TLN2: variants seen among roughly 807,000 people sequenced by gnomAD.
TLN2 encodes talin-2.
TLN2 carries 118 observed loss-of-function variants against 294.7 expected under a neutral mutation model. That is an observed-to-expected ratio of 0.40 (90% confidence interval 0.34 to 0.47). The LOEUF is 0.47. Among genes scored for constraint, TLN2 ranks in the 20% least tolerant of loss-of-function variants. TLN2 has a pLI of 0.84. For synonymous variants in TLN2, 1,431 were observed against 1,304.5 expected, an observed-to-expected ratio of 1.10 and a Z score of -2.09; for missense variants, 3,083 against 3,282.2, an observed-to-expected ratio of 0.94 and a Z score of 1.48.
intron 1 of TLN2, among the ~76,000 whole-genome samples, chr15:62,444,102 A>T (rs1049762986): frequency 3.9e-5 from 6 of 152,356 alleles, no homozygotes; most frequent in African/African-American, 1.4e-4. Context: ...AGGGATTTTA[A>T]TAGCTAATGG....
chr15:62,398,648 C>T (rs577263899), intron 1 of TLN2, among the ~76,000 whole-genome samples: 1 of 152,182 alleles, frequency 6.6e-6, no homozygotes, highest in African/African-American at 2.4e-5. Context: ...TTCTTGGGAA[C>T]TGGAGCCAAG....
At chr15:62,550,229 A>G (rs2042219710) in intron 1 of TLN2, among the ~76,000 whole-genome samples, 1 of 152,214 alleles carries the variant, frequency 6.6e-6, no homozygotes, top group African/African-American at 2.4e-5. Flanking sequence ...GTAATGTCCA[A>G]CAGAGCATAC....
chr15:62,755,723 A>G, intron 37 of TLN2, 30 bp downstream of exon 37: 3 of 1,612,288 alleles, frequency 1.9e-6, no homozygotes, highest in Non-Finnish European at 2.5e-6. Context: ...GCCTTATTGA[A>G]CTCTGTAACT....
intron 1 of TLN2, among the ~76,000 whole-genome samples, chr15:62,450,302 C>T (rs1187810647): frequency 6.6e-6 from 1 of 152,158 alleles, no homozygotes; most frequent in Admixed American, 6.5e-5. Context: ...TGAAGCCGAG[C>T]CAGGAGGCAA....
At chr15:62,539,592 C>G (rs1450908724) in intron 1 of TLN2, among the ~76,000 whole-genome samples, 1 of 152,150 alleles carries the variant, frequency 6.6e-6, no homozygotes, top group Non-Finnish European at 1.5e-5. Flanking sequence ...TACCAAATAC[C>G]TGAGCACTGG....
intron 1 of TLN2, among the ~76,000 whole-genome samples, chr15:62,464,353 C>T (rs1202248928): frequency 6.6e-6 from 1 of 152,114 alleles, no homozygotes; most frequent in East Asian, 1.9e-4. Flanking sequence ...TGTTCTCACT[C>T]ATAGGTGGGA....
chr15:62,597,517 C>T (rs955225331), intron 2 of TLN2, among the ~76,000 whole-genome samples: 1 of 152,184 alleles, frequency 6.6e-6, no homozygotes, highest in Non-Finnish European at 1.5e-5. Context: ...TCGCCTCTCT[C>T]AGGAGCCCGC....
intron 54 of TLN2, among the ~76,000 whole-genome samples, chr15:62,825,848 TA>T (rs1341284322): frequency 3.7e-5 from 3 of 81,794 alleles, no homozygotes; most frequent in African/African-American, 2.1e-4. Flanking sequence ...TATATATAAA[TA>T]TATTATATAT....
At chr15:62,533,073 G>A (rs1005219855) in intron 1 of TLN2, among the ~76,000 whole-genome samples, 27 of 152,008 alleles carry the variant, frequency 1.8e-4, no homozygotes, top group African/African-American at 6.0e-4. Context: ...GGCCAAAGTG[G>A]TGAAACCCTG....
rs1377236570 is a variant in TLN2 at position 62,841,666 on chromosome 15, CTTA to C, written c.*1061_*1063del. The C allele has an allele frequency of 6.6e-6, 1 of 151,178 alleles. No homozygotes were observed. Among genetic ancestry groups the C allele is most frequent in the Non-Finnish European group, 1.5e-5 (1 of 68,022 alleles). 9.4% of individuals were successfully genotyped at this position (151,178 alleles called of 1,614,324 possible). A position where few individuals can be genotyped will look rare whatever the true frequency, so the allele number is the denominator to read the frequency against. ...GTGAACCTTTAACAAGATAGTTTTA[CTTA>C]TTATCACATAAGACATAAGATGTTT... On this transcript the variant is annotated 3_prime_UTR_variant, in exon 59 of 59. Coordinates refer to ENST00000636159, the MANE Select transcript of TLN2 (RefSeq NM_015059.3).
chr15:62,608,586 T>A (rs1294931354), intron 2 of TLN2, among the ~76,000 whole-genome samples: 1 of 151,992 alleles, frequency 6.6e-6, no homozygotes, highest in Admixed American at 6.6e-5. Flanking sequence ...CCGTTTCTGG[T>A]GTTGGGAGGT....
rs1157541614 is a variant in TLN2, at chr15:62,555,265, C to CT, written c.-237-34414dup. On this transcript the variant is annotated intron_variant, in intron 1 of 58. Transcript: ENST00000636159. ...TTATTCCTAAAAAATAGCAAGCAAA[C>CT]TTTTTTTTACGTTACTAATTTTTCA... Among the ~76,000 whole-genome samples the CT allele has an allele frequency of 1.1e-4, 16 of 152,070 alleles. No homozygotes were observed. The East Asian group carries it at 2.9e-3, about 28-fold the overall frequency.
intron 13 of TLN2, among the ~76,000 whole-genome samples, chr15:62,693,341 C>A (rs2058075050): frequency 6.6e-6 from 1 of 151,992 alleles, no homozygotes; most frequent in South Asian, 2.1e-4. Context: ...CAAAAAAAAA[C>A]AACAAAACTT....
chr15:62,721,789 T>C (rs973769743), intron 25 of TLN2, among the ~76,000 whole-genome samples: 1 of 152,218 alleles, frequency 6.6e-6, no homozygotes, highest in East Asian at 1.9e-4. Context: ...AATAGTTGCA[T>C]ATACTGGAAT....
chr15:62,825,801 T>TATTATA (rs1212160568), intron 54 of TLN2, among the ~76,000 whole-genome samples: 5 of 10,872 alleles, frequency 4.6e-4, no homozygotes, highest in African/African-American at 1.5e-3. Context: ...ATAATATATA[T>TATTATA]TATATATTAT....
Position 62,697,893 on chromosome 15 carries a change from C to G in TLN2, c.1473+25C>G, listed in dbSNP as rs746652591. ...GGTGAGGCTTCCTGTGCTCGTCCCC[C>G]ACTCGTTAGTCTGCTGCCTCCCGCA... On this transcript the variant is annotated intron_variant, in intron 15 of 58. Coordinates refer to ENST00000636159, the MANE Select transcript of TLN2 (RefSeq NM_015059.3). 3.7e-6 allele frequency: 6 copies of G among 1,606,154 alleles called. 1 individual carries two copies. The South Asian group carries it at 6.6e-5, about 18-fold the overall frequency.
At chr15:62,573,058 C>A (rs1369282) in intron 1 of TLN2, among the ~76,000 whole-genome samples, 36,561 of 152,094 alleles carry the variant, frequency 0.24, 4,429 homozygotes, top group Middle Eastern at 0.35. Flanking sequence ...CAACTCAGCC[C>A]CCAAGCTGAC....
At chr15:62,558,732 C>T (rs2042744525) in intron 1 of TLN2, among the ~76,000 whole-genome samples, 1 of 152,176 alleles carries the variant, frequency 6.6e-6, no homozygotes, top group South Asian at 2.1e-4. Flanking sequence ...GATTTTGAGC[C>T]TCTATGGGCA....
At chr15:62,775,499 C>G (rs891889345) in intron 42 of TLN2, among the ~76,000 whole-genome samples, 11 of 152,202 alleles carry the variant, frequency 7.2e-5, no homozygotes, top group Admixed American at 1.3e-4. Flanking sequence ...ACCGTTGCCT[C>G]AAGGATAACC....
Sources: allele counts gnomAD v4.1 joint callset (sites outside exome capture counted in the v4.1 genomes callset), GRCh38; gene constraint gnomAD v4.1.1; transcripts MANE v1.5; gene names NCBI Gene and HGNC (gene_info 2026-07-23, HGNC 2026-07-21).